CCT6B: variants seen among roughly 807,000 people sequenced by gnomAD.
The protein encoded by CCT6B is probable T-complex protein 1 subunit zeta-2.
CCT6B carries 49 observed loss-of-function variants against 61.5 expected under a neutral mutation model. The observed-to-expected ratio is 0.80, with a 90% CI of 0.63 to 1.01. The LOEUF (loss-of-function observed/expected upper bound fraction) is 1.01. Ranked by LOEUF, CCT6B falls within the 50% of genes least tolerant of loss-of-function variation. The probability of loss-of-function intolerance (pLI) is 0.00; values close to 1 mark genes in which losing one functional copy is unlikely to be tolerated. For missense variants in CCT6B, 666 were observed against 634.7 expected (o/e 1.05, Z -0.53); for synonymous variants, 228 against 214.5 (o/e 1.06, Z -0.55).
At position 34,961,389 on chromosome 17, in the gene CCT6B, G is replaced by A. The variant is rs1346934780; in HGVS notation, c.5C>T (p.Ala2Val). ...CTTGGAGTTGACGGCCTTTATCGCA[G>A]CCATAGCCTAACCGTTCAGAGGGAG... is the stretch of plus-strand genomic sequence containing the variant. M[A>V]AIKAVNSKAE... is the part of the protein sequence containing the mutation. Residue 2 changes from alanine (A) to valine (V), a missense_variant, in exon 1 of 14, where the codon GCT becomes GTT. Coordinates refer to ENST00000314144, the MANE Select transcript of CCT6B (RefSeq NM_006584.4). The A allele has an allele frequency of 5.0e-6, 8 of 1,605,700 alleles. No homozygotes were observed. The highest frequency in any genetic ancestry group is 5.9e-6 in the Non-Finnish European group (7 of 1,177,940).
At chr17:34,931,195 C>G (rs559875445) in intron 11 of CCT6B, 144 bp from the exon 12 acceptor site, 1 of 257,618 alleles carries the variant, frequency 3.9e-6, no homozygotes, top group East Asian at 7.6e-5. Context: ...CACTTTTAAT[C>G]TAAATCAAAT....
intron 13 of CCT6B, 59 bp downstream of exon 13, chr17:34,928,903 T>C (rs1292526959): frequency 1.1e-5 from 11 of 982,054 alleles, no homozygotes; most frequent in South Asian, 2.9e-5. Flanking sequence ...AAAAATTTCA[T>C]CTTAATATTA....
In CCT6B at chr17:34,931,041, T is replaced by C; in HGVS notation, c.1358A>G (p.Gln453Arg). ...ALLIIPKVLA[Q>R]NAGYDPQETL... The stretch of plus-strand genomic sequence containing the variant: ...TTCCTGTGGGTCATAACCAGCATTC[T>C]GAGCAAGAACCTTTAGGAATAAAAA... Residue 453 changes from glutamine (Q) to arginine (R), a missense_variant, in exon 12 of 14, where the codon CAG becomes CGG. Physicochemically the swap from Gln to Arg is conservative, Grantham distance 43. Transcript: ENST00000314144. 1 of 1,546,480 alleles carries C rather than the reference T, an allele frequency of 6.5e-7. No individual in the cohort carries two copies. Among genetic ancestry groups the C allele is most frequent in the Non-Finnish European group, 8.8e-7 (1 of 1,131,526 alleles).
At position 34,942,475 on chromosome 17, in the gene CCT6B, C is replaced by A. The variant is rs761555656; in HGVS notation, c.885+9G>T. ...TACAAATAACTAAAATCTAAACTTT[C>A]TTTCTCACCTTTTGATTAATGACGA... On this transcript the variant is annotated intron_variant, in intron 7 of 13. Coordinates refer to ENST00000314144, the MANE Select transcript of CCT6B (RefSeq NM_006584.4). The A allele has an allele frequency of 4.4e-6, 7 of 1,580,580 alleles. No homozygotes were observed. Among genetic ancestry groups the A allele is most frequent in the Admixed American group, 2.0e-5 (1 of 50,238 alleles).
Position 34,932,507 on chromosome 17 carries a change from G to A in CCT6B, c.1214-7C>T. ...GCTCCAGGAACCATACAACCTATTG[G>A]AGAGAAAAAATATGATTGGCAAGAC... On this transcript the variant is annotated splice_region_variant and splice_polypyrimidine_tract_variant and intron_variant, in intron 10 of 13. Coordinates refer to ENST00000314144, the MANE Select transcript of CCT6B (RefSeq NM_006584.4). 6 of 1,584,260 alleles carry A rather than the reference G, an allele frequency of 3.8e-6. No individual in the cohort carries two copies. Among genetic ancestry groups the A allele is most frequent in the Non-Finnish European group, 5.1e-6 (6 of 1,170,546 alleles).
In CCT6B at chr17:34,927,905, T is replaced by C. The variant is rs1597731825; in HGVS notation, c.*143A>G. 1 of 520,852 alleles carries C rather than the reference T, an allele frequency of 1.9e-6. No homozygotes were observed. Among genetic ancestry groups the C allele is most frequent in the South Asian group, 3.3e-5 (1 of 29,964 alleles). The allele number at this position is 520,852 out of a possible 1,614,324, so 32.3% of individuals were successfully genotyped here. On this transcript the variant is annotated 3_prime_UTR_variant, in exon 14 of 14. Transcript: ENST00000314144. ...TTGTGTTCTTTATACCTTGATGAAA[T>C]ATTTTTGAGACTATTAAGACCCAAA...
intron 12 of CCT6B, among the ~76,000 whole-genome samples, chr17:34,930,389 T>A (rs2090022186): frequency 6.6e-6 from 1 of 152,208 alleles, no homozygotes; most frequent in Non-Finnish European, 1.5e-5. Flanking sequence ...TGACCTTCTG[T>A]CACCTCTCTC....
chr17:34,945,236 T>C (rs1289011728), intron 5 of CCT6B, among the ~76,000 whole-genome samples: 1 of 152,204 alleles, frequency 6.6e-6, no homozygotes, highest in Non-Finnish European at 1.5e-5. Flanking sequence ...TGGCTTTAAG[T>C]CATTTATACA....
intron 10 of CCT6B, among the ~76,000 whole-genome samples, chr17:34,934,428 A>G (rs2090072285): frequency 6.6e-6 from 1 of 152,186 alleles, no homozygotes; most frequent in Non-Finnish European, 1.5e-5. Flanking sequence ...CAACTCTGCC[A>G]CTGTAACACA....
intron 5 of CCT6B, among the ~76,000 whole-genome samples, chr17:34,948,813 C>T (rs1222591358): frequency 2.0e-5 from 3 of 151,514 alleles, no homozygotes; most frequent in Non-Finnish European, 2.9e-5. Context: ...CAGGTGGATC[C>T]CTCCAGCTCA....
chr17:34,930,892 TG>T, intron 12 of CCT6B, 56 bp downstream of exon 12: 1 of 848,606 alleles, frequency 1.2e-6, no homozygotes, highest in Non-Finnish European at 2.0e-6. Flanking sequence ...CCATAAGATC[TG>T]GGTAACTAAA....
At chr17:34,932,257 A>G (rs1597736263) in intron 11 of CCT6B, 110 bp downstream of exon 11, 1 of 966,570 alleles carries the variant, frequency 1.0e-6, no homozygotes, top group African/African-American at 1.7e-5. Context: ...GTGTAAGGAA[A>G]TGCACATAAA....
chr17:34,957,603 C>T (rs2090363374), intron 3 of CCT6B, among the ~76,000 whole-genome samples: 1 of 152,144 alleles, frequency 6.6e-6, no homozygotes, highest in Non-Finnish European at 1.5e-5. Flanking sequence ...ATAATCATTT[C>T]CTTATTGTTC....
In CCT6B at chr17:34,954,098, C is replaced by T. The variant is rs529981830; in HGVS notation, c.510+328G>A. ...GCTAAAACAACTATCTTGTGTGTCA[C>T]CTCACATAATAAAATATGGACTGCT... On this transcript the variant is annotated intron_variant, in intron 4 of 13. Coordinates refer to ENST00000314144, the MANE Select transcript of CCT6B (RefSeq NM_006584.4). Among the ~76,000 whole-genome samples, 6 of 152,174 alleles carry T rather than the reference C, an allele frequency of 3.9e-5. No homozygotes were observed. In the South Asian group the frequency reaches 1.2e-3, roughly 32 times the overall value.
intron 4 of CCT6B, among the ~76,000 whole-genome samples, chr17:34,952,555 C>A (rs1173918856): frequency 6.6e-6 from 1 of 152,100 alleles, no homozygotes; most frequent in Non-Finnish European, 1.5e-5. Context: ...CCATGTCATC[C>A]CATAATATGT....
chr17:34,957,289 C>A (rs544993065), intron 3 of CCT6B, among the ~76,000 whole-genome samples: 1 of 151,950 alleles, frequency 6.6e-6, no homozygotes, highest in Non-Finnish European at 1.5e-5. Flanking sequence ...GGATCACAGG[C>A]GTGCACCAAC....
At chr17:34,961,110 C>A (rs1206344194) in intron 1 of CCT6B, 147 bp downstream of exon 1, 3 of 1,038,168 alleles carry the variant, frequency 2.9e-6, no homozygotes, top group Non-Finnish European at 4.0e-6. Context: ...CTGCACCAGG[C>A]GAGAAATACC....
At chr17:34,938,296 T>C (rs1158207497) in intron 10 of CCT6B, among the ~76,000 whole-genome samples, 1 of 152,152 alleles carries the variant, frequency 6.6e-6, no homozygotes, top group Non-Finnish European at 1.5e-5. Context: ...CTGAATGTGG[T>C]GGCTCGTGCC....
At chr17:34,942,947 C>T (rs780320795) in intron 5 of CCT6B, 41 bp from the exon 6 acceptor site, 1 of 1,133,232 alleles carries the variant, frequency 8.8e-7, no homozygotes. Context: ...AATATATACT[C>T]TAAAATTTGG....
Sources: gnomAD v4.1 joint callset for allele counts (sites outside exome capture counted in the v4.1 genomes callset) on GRCh38, gnomAD v4.1.1 for gene constraint, MANE v1.5 for transcripts, NCBI Gene and HGNC (gene_info 2026-07-23, HGNC 2026-07-21) for gene names.